OR5A2: variants seen among roughly 807,000 people sequenced by gnomAD.
OR5A2 encodes olfactory receptor 5A2.
For synonymous variants in OR5A2, 155 were observed against 151.1 expected (o/e 1.03, Z -0.19); for missense variants, 406 against 398.9 (o/e 1.02, Z -0.15).
chr11:59,419,274 T>C lies in OR5A2; in HGVS notation c.*2705A>G, dbSNP rs1388642916. ...ATTTCTTTGGTCTCTTTTTAACACA[T>C]TACCCGGATTTTCCTTGACTTATAT... On this transcript the variant is annotated 3_prime_UTR_variant, in exon 2 of 2. Transcript: ENST00000302040. 2 of 152,174 alleles carry C rather than the reference T, an allele frequency of 1.3e-5. No individual in the cohort carries two copies. The highest frequency in any genetic ancestry group is 2.4e-5 in the African/African-American group (1 of 41,458). The allele number at this position is 152,174 out of a possible 1,614,324, so 9.4% of individuals were successfully genotyped here. A position where few individuals can be genotyped will look rare whatever the true frequency, so the allele number is the denominator to read the frequency against.
rs1267805788 is a variant in OR5A2 at position 59,422,840 on chromosome 11, CAGG to C, written c.111_113del (p.Leu38del). On this transcript the variant is annotated inframe_deletion, in exon 2 of 2. Coordinates refer to ENST00000302040, the MANE Select transcript of OR5A2 (RefSeq NM_001001954.2). Reference sequence around the variant, plus strand: ...TGAGGCTTAAGTTCCAGGCCAACGTCAGGAGGTAGAGCCCCAGAAATAACATGA... The same window carrying C: ...TGAGGCTTAAGTTCCAGGCCAACGTCAGGTAGAGCCCCAGAAATAACATGA... The C allele has an allele frequency of 1.2e-6, 2 of 1,614,136 alleles. No individual in the cohort carries two copies. The highest frequency in any genetic ancestry group is 2.7e-5 in the African/African-American group (2 of 75,030).
chr11:59,422,650 A>G lies in OR5A2; in HGVS notation c.304T>C (p.Tyr102His). 2.5e-6 allele frequency: 4 copies of G among 1,614,220 alleles called. No homozygotes were observed. Among genetic ancestry groups the G allele is most frequent in the Non-Finnish European group, 3.4e-6 (4 of 1,180,032 alleles). Residue 102 changes from tyrosine to histidine, a missense_variant, in exon 2 of 2, where the codon TAC becomes CAC. By Grantham distance (83) the Tyr-to-His change is moderately conservative (BLOSUM62 2). Transcript: ENST00000302040. Reference protein sequence around the residue: ...TISFVGCATQYFVFCGMGLTE... With the variant: ...TISFVGCATQHFVFCGMGLTE... ...AGCCCCATCCCACAGAAGACAAAGTACTGAGTGGCACAGCCAACAAAGGAA... is the reference window on the plus strand; with the variant it reads ...AGCCCCATCCCACAGAAGACAAAGTGCTGAGTGGCACAGCCAACAAAGGAA...
rs551689564 is a variant in OR5A2 at position 59,418,165 on chromosome 11, G to C, written c.*3814C>G. On this transcript the variant is annotated 3_prime_UTR_variant, in exon 2 of 2. Coordinates refer to ENST00000302040, the MANE Select transcript of OR5A2 (RefSeq NM_001001954.2). ...AGTGCCCTTGCCCAGGGCCTCAGCCGATCTGGACCCTCTAGCTGGGTGTAT... is the reference window on the plus strand; with the variant it reads ...AGTGCCCTTGCCCAGGGCCTCAGCCCATCTGGACCCTCTAGCTGGGTGTAT... 6.6e-6 allele frequency: 1 copy of C among 152,200 alleles called. No individual in the cohort carries two copies. Among genetic ancestry groups the C allele is most frequent in the African/African-American group, 2.4e-5 (1 of 41,558 alleles). 9.4% of individuals were successfully genotyped at this position (152,200 alleles called of 1,614,324 possible). A position where few individuals can be genotyped will look rare whatever the true frequency, so the allele number is the denominator to read the frequency against.
In OR5A2 at chr11:59,422,320, C is replaced by T. The variant is rs772069924; in HGVS notation, c.634G>A (p.Val212Met). Reference protein sequence around the residue: ...IVSVVVGIVSVLVVLISYGYI... With the variant: ...IVSVVVGIVSMLVVLISYGYI... ...CCATAAGAGATGAGGACCACTAGCA[C>T]AGACACTATTCCAACGACAACACTG... is the stretch of plus-strand genomic sequence containing the variant. Residue 212 changes from valine (V) to methionine (M), a missense_variant, in exon 2 of 2, where the codon GTG becomes ATG. Val to Met is a conservative substitution (Grantham distance 21). Coordinates refer to ENST00000302040, the MANE Select transcript of OR5A2 (RefSeq NM_001001954.2). The T allele has an allele frequency of 6.2e-7, 1 of 1,614,112 alleles. No individual in the cohort carries two copies. The highest frequency in any genetic ancestry group is 8.5e-7 in the Non-Finnish European group (1 of 1,180,016).
intron 1 of OR5A2, chr11:59,425,092 A>G (rs867421475): frequency 2.0e-5 from 3 of 152,288 alleles, no homozygotes; most frequent in African/African-American, 7.2e-5. Context: ...GGGGAATTGC[A>G]ATGGAGAAAG....
Position 59,421,820 on chromosome 11 carries a change from G to T in OR5A2, c.*159C>A. On this transcript the variant is annotated 3_prime_UTR_variant, in exon 2 of 2. Coordinates refer to ENST00000302040, the MANE Select transcript of OR5A2 (RefSeq NM_001001954.2). ...TGCTATTCATTTTACAAGCAACAAT[G>T]GCCAAAATGTTTTCTAATAGCCAAC... is the stretch of plus-strand genomic sequence containing the variant. 1 of 757,012 alleles carries T rather than the reference G, an allele frequency of 1.3e-6. No individual in the cohort carries two copies. Among genetic ancestry groups the T allele is most frequent in the Non-Finnish European group, 2.1e-6 (1 of 475,838 alleles). 46.9% of individuals were successfully genotyped at this position (757,012 alleles called of 1,614,324 possible).
rs768003989 is a variant in OR5A2, at chr11:59,422,345, G to C, written c.609C>G (p.Val203=). 6.2e-7 allele frequency: 1 copy of C among 1,614,130 alleles called. No individual in the cohort carries two copies. Among genetic ancestry groups the C allele is most frequent in the Non-Finnish European group, 8.5e-7 (1 of 1,180,030 alleles). Residue 203 remains valine, a synonymous_variant, in exon 2 of 2, where the codon GTC becomes GTG. Coordinates refer to ENST00000302040, the MANE Select transcript of OR5A2 (RefSeq NM_001001954.2). ...TFTSEVVTFI[V]SVVVGIVSVL... is the part of the protein sequence containing the mutation. ...CAGACACTATTCCAACGACAACACT[G>C]ACTATGAAGGTCACCACCTCGCTGG... is the stretch of plus-strand genomic sequence containing the variant.
chr11:59,422,570 G>T lies in OR5A2; in HGVS notation c.384C>A (p.Cys128Ter), dbSNP rs370169877. The T allele has an allele frequency of 1.2e-6, 2 of 1,614,078 alleles. No individual in the cohort carries two copies. The highest frequency in any genetic ancestry group is 2.7e-5 in the African/African-American group (2 of 74,946). ...AMAYDRYAAI[C>*]NPLLYTVLIS... ...TGAGGACTGTGTAAAGCAAGGGGTT[G>T]CAGATTGCAGCATACCGGTCATAGG... The change falls in exon 2 of 2, where the codon TGC becomes TGA. Residue 128 changes from cysteine (C) to a stop codon, truncating the protein, a stop_gained. Transcript: ENST00000302040. LOFTEE classifies it low-confidence loss of function (END_TRUNC).
chr11:59,421,729 C>T lies in OR5A2; in HGVS notation c.*250G>A. The T allele has an allele frequency of 2.4e-6, 1 of 412,646 alleles. No homozygotes were observed. The highest frequency in any genetic ancestry group is 4.3e-6 in the Non-Finnish European group (1 of 230,916). 25.6% of individuals were successfully genotyped at this position (412,646 alleles called of 1,614,324 possible). On this transcript the variant is annotated 3_prime_UTR_variant, in exon 2 of 2. Coordinates refer to ENST00000302040, the MANE Select transcript of OR5A2 (RefSeq NM_001001954.2). The stretch of plus-strand genomic sequence containing the variant: ...ACATACAAACTCTGTTTTAACATTC[C>T]AGGATGTTTTTTGTCATGATGAAGT...
Position 59,422,755 on chromosome 11 carries a change from G to A in OR5A2, c.199C>T (p.Leu67=), listed in dbSNP as rs1362458164. ...ACATAGCAGATGTCCAGGAAGGACA[G>A]GTTACTGAGGAAGAAGTACATGGGC... ...HMPMYFFLSN[L]SFLDICYVSS... The change falls in exon 2 of 2, where the codon CTG becomes TTG. Residue 67 remains leucine, a synonymous_variant. Transcript: ENST00000302040. The A allele has an allele frequency of 3.1e-6, 5 of 1,614,174 alleles. No individual in the cohort carries two copies. Among genetic ancestry groups the A allele is most frequent in the Admixed American group, 1.7e-5 (1 of 60,028 alleles).
rs1254938177 is a variant in OR5A2 at position 59,426,272 on chromosome 11, A to T, written c.-193T>A. The T allele has an allele frequency of 3.3e-5, 5 of 152,212 alleles. No homozygotes were observed. The highest frequency in any genetic ancestry group is 9.6e-5 in the African/African-American group (4 of 41,466). 9.4% of individuals were successfully genotyped at this position (152,212 alleles called of 1,614,324 possible). On this transcript the variant is annotated 5_prime_UTR_variant, in exon 1 of 2. It removes an upstream start codon present in the reference 5' UTR. Transcript: ENST00000302040. ...ATCTTTTGCAAACCAGATCATCTGC[A>T]TTTCCCACTGCTCCATGGCTGGTTT...
rs1590604848 is a variant in OR5A2 at position 59,417,549 on chromosome 11, G to A, written c.*4430C>T. 6.6e-6 allele frequency: 1 copy of A among 152,178 alleles called. No individual in the cohort carries two copies. The highest frequency in any genetic ancestry group is 2.1e-4 in the South Asian group (1 of 4,820). 9.4% of individuals were successfully genotyped at this position (152,178 alleles called of 1,614,324 possible). On this transcript the variant is annotated 3_prime_UTR_variant, in exon 2 of 2. Transcript: ENST00000302040. ...GAGGACAAGTCACCAGGAAATCAGG[G>A]AGGTAGTCACGGATCAAGCTGATGG...
In OR5A2 at chr11:59,418,906, G is replaced by A. The variant is rs1858189049; in HGVS notation, c.*3073C>T. On this transcript the variant is annotated 3_prime_UTR_variant, in exon 2 of 2. Transcript: ENST00000302040. ...AAAAAGTTTAGAGATGGTAAAGATT[G>A]ATAATAGCTCCATGTAAATCCAAAG... 1 of 152,106 alleles carries A rather than the reference G, an allele frequency of 6.6e-6. No homozygotes were observed. The highest frequency in any genetic ancestry group is 2.1e-4 in the South Asian group (1 of 4,834). 9.4% of individuals were successfully genotyped at this position (152,106 alleles called of 1,614,324 possible).
Sources: gnomAD v4.1 joint callset for allele counts on GRCh38, gnomAD v4.1.1 for gene constraint, MANE v1.5 for transcripts, NCBI Gene and HGNC (gene_info 2026-07-23, HGNC 2026-07-21) for gene names.